EFHC2: variants seen among roughly 807,000 people sequenced by gnomAD.
EFHC2 encodes EF-hand domain-containing family member C2.
In EFHC2, 18 loss-of-function variants were observed where a neutral mutation model predicts 52.7. The observed-to-expected ratio is 0.34, with a 90% confidence interval of 0.24 to 0.51. The LOEUF (loss-of-function observed/expected upper bound fraction) is 0.51, where lower values mean the gene tolerates loss of function less well. Ranked by LOEUF, EFHC2 falls within the 20% of genes least tolerant of loss-of-function variation. The pLI is 0.97. For synonymous variants in EFHC2, 203 were observed against 204.1 expected (o/e 0.99, Z 0.04); for missense variants, 513 against 562.5 (o/e 0.91, Z 0.89).
intron 7 of EFHC2, 66 bp from the exon 8 acceptor site, chrX:44,242,355 A>G: frequency 2.7e-6 from 3 of 1,096,570 alleles, no homozygotes; most frequent in Non-Finnish European, 3.7e-6. Flanking sequence ...CTGTTTTGAA[A>G]GGTTTGTTAT....
chrX:44,310,973 T>C, intron 2 of EFHC2, among the ~76,000 whole-genome samples: 1 of 112,482 alleles, frequency 8.9e-6, no homozygotes, highest in Non-Finnish European at 1.9e-5. Context: ...CATTGTGGCC[T>C]ACGATACTTA....
chrX:44,162,608 C>T (rs2036665306), intron 14 of EFHC2, among the ~76,000 whole-genome samples: 1 of 111,725 alleles, frequency 9.0e-6, no homozygotes, highest in African/African-American at 3.3e-5. Context: ...TCTGGCCACA[C>T]CAATTCCTCC....
chrX:44,253,796 G>T (rs1266535841), intron 4 of EFHC2, among the ~76,000 whole-genome samples: 2 of 112,284 alleles, frequency 1.8e-5, no homozygotes, highest in African/African-American at 6.5e-5. Flanking sequence ...GCCTCCTCAA[G>T]TGTGTCCCTG....
In EFHC2 at chrX:44,215,143, G is replaced by A. The variant is rs751103567; in HGVS notation, c.1751+14506C>T. On this transcript the variant is annotated intron_variant, in intron 11 of 14. Transcript: ENST00000420999. ...CCTGTGAAGAAGGTTCTTGCTTCCCGTTCACCTTCCGCCATGACTGTAAAT... is the reference window on the plus strand; with the variant it reads ...CCTGTGAAGAAGGTTCTTGCTTCCCATTCACCTTCCGCCATGACTGTAAAT... 4.5e-5 allele frequency among the ~76,000 whole-genome samples: 5 copies of A among 111,035 alleles called. No individual in the cohort carries two copies. In the East Asian group the frequency reaches 8.5e-4, roughly 19 times the overall value.
chrX:44,292,602 A>G (rs888624073), intron 2 of EFHC2, among the ~76,000 whole-genome samples: 2 of 111,538 alleles, frequency 1.8e-5, no homozygotes, highest in Admixed American at 1.9e-4. Context: ...ACACTTATTC[A>G]CATGTGATAT....
intron 3 of EFHC2, among the ~76,000 whole-genome samples, chrX:44,266,026 G>T (rs2037574169): frequency 8.9e-6 from 1 of 111,735 alleles, no homozygotes; most frequent in Admixed American, 9.5e-5. Flanking sequence ...ATGTCCTCTT[G>T]CATGACCACC....
At chrX:44,313,347 G>A (rs1296301376) in intron 1 of EFHC2, among the ~76,000 whole-genome samples, 1 of 111,259 alleles carries the variant, frequency 9.0e-6, no homozygotes, top group African/African-American at 3.3e-5. Flanking sequence ...AACTACCAAG[G>A]GTTGGCAAGG....
intron 2 of EFHC2, among the ~76,000 whole-genome samples, chrX:44,300,967 G>A (rs764546825): frequency 2.8e-4 from 31 of 109,010 alleles, no homozygotes; most frequent in Admixed American, 2.0e-4. Flanking sequence ...AAAATTAGCC[G>A]GGCGTGGTGG....
At chrX:44,314,040 G>A (rs17146915) in intron 1 of EFHC2, among the ~76,000 whole-genome samples, 7,017 of 111,411 alleles carry the variant, frequency 0.063, 488 homozygotes, top group African/African-American at 0.2. Flanking sequence ...AAAATTTCAC[G>A]ACACATATGT....
At chrX:44,321,614 A>C (rs966772119) in intron 1 of EFHC2, among the ~76,000 whole-genome samples, 3 of 111,733 alleles carry the variant, frequency 2.7e-5, no homozygotes, top group Admixed American at 1.9e-4. Context: ...ACACCAGGAG[A>C]GTTTAGTATC....
intron 11 of EFHC2, among the ~76,000 whole-genome samples, chrX:44,199,040 G>A (rs1329480048): frequency 8.9e-6 from 1 of 112,407 alleles, no homozygotes; most frequent in Non-Finnish European, 1.9e-5. Context: ...ATAAAGCTCT[G>A]ATACAGTTCA....
intron 11 of EFHC2, among the ~76,000 whole-genome samples, chrX:44,210,751 G>T (rs1035250739): frequency 3.6e-5 from 4 of 112,501 alleles, no homozygotes; most frequent in Non-Finnish European, 7.5e-5. Context: ...AAAGAAACCT[G>T]TGTGGCCTTG....
chrX:44,274,002 A>G (rs1161027486), intron 2 of EFHC2, among the ~76,000 whole-genome samples: 1 of 112,141 alleles, frequency 8.9e-6, no homozygotes, highest in Non-Finnish European at 1.9e-5. Flanking sequence ...GCATATTTTT[A>G]TCAGAAGCCC....
chrX:44,189,091 G>C (rs2036899836), intron 11 of EFHC2, among the ~76,000 whole-genome samples: 1 of 94,528 alleles, frequency 1.1e-5, no homozygotes, highest in Admixed American at 1.3e-4. Context: ...CTGCACTCCA[G>C]CCTGGGCGAC....
chrX:44,159,565 G>A (rs936160907), intron 14 of EFHC2, among the ~76,000 whole-genome samples: 2 of 112,203 alleles, frequency 1.8e-5, no homozygotes, highest in Non-Finnish European at 3.8e-5. Flanking sequence ...AAATTGATCA[G>A]GTACCATTTT....
intron 4 of EFHC2, among the ~76,000 whole-genome samples, chrX:44,258,330 C>T (rs2037508961): frequency 9.1e-6 from 1 of 110,131 alleles, no homozygotes; most frequent in African/African-American, 3.3e-5. Flanking sequence ...AAGAAACTAT[C>T]ATTAGAGTGA....
intron 1 of EFHC2, among the ~76,000 whole-genome samples, chrX:44,318,596 G>T (rs1263854823): frequency 8.9e-6 from 1 of 112,110 alleles, no homozygotes; most frequent in Non-Finnish European, 1.9e-5. Flanking sequence ...CACCACAAAT[G>T]AGCTATATGA....
chrX:44,331,959 T>C (rs142618226), intron 1 of EFHC2, among the ~76,000 whole-genome samples: 5 of 110,036 alleles, frequency 4.5e-5, no homozygotes, highest in East Asian at 2.9e-4. Flanking sequence ...AATGTTACCA[T>C]TGGGGCAAAT....
intron 3 of EFHC2, among the ~76,000 whole-genome samples, chrX:44,270,527 A>G (rs1334439059): frequency 1.8e-5 from 2 of 112,051 alleles, no homozygotes; most frequent in Non-Finnish European, 3.8e-5. Flanking sequence ...TATGCTAAGT[A>G]GAGCATGGGC....
Sources: gnomAD v4.1 joint callset for allele counts (sites outside exome capture counted in the v4.1 genomes callset) on GRCh38, gnomAD v4.1.1 for gene constraint, MANE v1.5 for transcripts, NCBI Gene and HGNC (gene_info 2026-07-23, HGNC 2026-07-21) for gene names.